Variants in CACYBP observed in about 807,000 individuals in gnomAD.
CACYBP encodes the protein calcyclin-binding protein.
Under a neutral mutation model 29.6 loss-of-function variants are expected in CACYBP, and 11 were observed. The observed-to-expected ratio is 0.37, with a 90% CI of 0.23 to 0.61. The LOEUF (loss-of-function observed/expected upper bound fraction) is 0.61. Among genes scored for constraint, CACYBP ranks in the 20% least tolerant of loss-of-function variants. The pLI is 0.65. For missense variants in CACYBP, 163 were observed against 260.7 expected, an observed-to-expected ratio of 0.63 and a Z score of 2.58; for synonymous variants, 73 against 88.3, an observed-to-expected ratio of 0.83 and a Z score of 0.97.
intron 1 of CACYBP, among the ~76,000 whole-genome samples, chr1:175,002,527 TTA>T (rs1213289362): frequency 6.6e-6 from 1 of 152,206 alleles, no homozygotes; most frequent in African/African-American, 2.4e-5. Flanking sequence ...CTTGAATGCC[TTA>T]TGGGTAGGGA....
chr1:175,009,221 C>T (rs368947593), intron 5 of CACYBP, among the ~76,000 whole-genome samples: 5 of 152,162 alleles, frequency 3.3e-5, no homozygotes, highest in African/African-American at 1.2e-4. Flanking sequence ...TTAAAAAATA[C>T]ATGAGCTTCA....
intron 5 of CACYBP, among the ~76,000 whole-genome samples, chr1:175,009,680 T>G (rs1574111808): frequency 1.3e-5 from 2 of 150,176 alleles, no homozygotes; most frequent in Middle Eastern, 6.8e-3. Flanking sequence ...GGGAAATCCC[T>G]GTGCCTAAAA....
At chr1:175,004,310 AC>A (rs1672562035) in intron 1 of CACYBP, among the ~76,000 whole-genome samples, 1 of 152,234 alleles carries the variant, frequency 6.6e-6, no homozygotes, top group African/African-American at 2.4e-5. Flanking sequence ...TCTTTGTTTT[AC>A]TTTTTAGGTC....
At position 175,000,331 on chromosome 1, in the gene CACYBP, C is replaced by T. The variant is rs1022646295; in HGVS notation, c.15+136C>T. On this transcript the variant is annotated intron_variant, in intron 1 of 5. Transcript: ENST00000367679. ...CGCGCCAGTCAGTGCGCCGCCTTCC[C>T]GGGGGACACCTCACTCGCCCCTTGC... is the stretch of plus-strand genomic sequence containing the variant. The T allele has an allele frequency of 4.8e-6, 7 of 1,463,216 alleles. No individual in the cohort carries two copies. The African/African-American group carries it at 5.9e-5, about 12-fold the overall frequency. 90.6% of individuals were successfully genotyped at this position (1,463,216 alleles called of 1,614,324 possible).
At chr1:175,002,134 G>GTA (rs1367718314) in intron 1 of CACYBP, among the ~76,000 whole-genome samples, 1 of 152,156 alleles carries the variant, frequency 6.6e-6, no homozygotes, top group African/African-American at 2.4e-5. Flanking sequence ...GTTCTCTGGG[G>GTA]TATATACCTA....
Position 175,000,646 on chromosome 1 carries a change from C to T in CACYBP, c.15+451C>T, listed in dbSNP as rs1173186740. 7.9e-6 allele frequency: 8 copies of T among 1,016,872 alleles called. No individual in the cohort carries two copies. In the African/African-American group the frequency reaches 1.4e-4, roughly 18 times the overall value. The allele number at this position is 1,016,872 out of a possible 1,614,324, so 63.0% of individuals were successfully genotyped here. On this transcript the variant is annotated intron_variant, in intron 1 of 5. Coordinates refer to ENST00000367679, the MANE Select transcript of CACYBP (RefSeq NM_014412.3). ...TTGAATTCTCCTAGTCAGGTTTTCT[C>T]TACACACGAGGAGCTGTGTTACTCT...
At position 175,011,561 on chromosome 1, in the gene CACYBP, G is replaced by A. The variant is rs1336869289; in HGVS notation, c.*1482G>A. 1.1e-4 allele frequency: 16 copies of A among 152,212 alleles called. No individual in the cohort carries two copies. Among genetic ancestry groups the A allele is most frequent in the Non-Finnish European group, 2.1e-4 (14 of 67,980 alleles). The allele number at this position is 152,212 out of a possible 1,614,324, so 9.4% of individuals were successfully genotyped here. Reference sequence around the variant, plus strand: ...CTACATAAAAATGTTTATAGGACAAGAAAAACCCCACCATAACCCAAGGCA... The same window carrying A: ...CTACATAAAAATGTTTATAGGACAAAAAAAACCCCACCATAACCCAAGGCA... On this transcript the variant is annotated 3_prime_UTR_variant, in exon 6 of 6. Coordinates refer to ENST00000367679, the MANE Select transcript of CACYBP (RefSeq NM_014412.3).
rs1352809378 is a variant in CACYBP at position 175,011,615 on chromosome 1, TAAG to T, written c.*1539_*1541del. ...AATGTATTGACAGGATTCCAATAAT[TAAG>T]AATACTTCATACAAAAAGAAATGTA... is the stretch of plus-strand genomic sequence containing the variant. On this transcript the variant is annotated 3_prime_UTR_variant, in exon 6 of 6. Transcript: ENST00000367679. 6.6e-6 allele frequency: 1 copy of T among 152,170 alleles called. No individual in the cohort carries two copies. The highest frequency in any genetic ancestry group is 1.5e-5 in the Non-Finnish European group (1 of 68,018). The allele number at this position is 152,170 out of a possible 1,614,324, so 9.4% of individuals were successfully genotyped here.
intron 1 of CACYBP, among the ~76,000 whole-genome samples, chr1:175,002,163 C>T (rs1444792769): frequency 6.6e-6 from 1 of 152,158 alleles, no homozygotes; most frequent in Non-Finnish European, 1.5e-5. Context: ...ATTACTGGTT[C>T]ATATGGTAAC....
intron 5 of CACYBP, among the ~76,000 whole-genome samples, chr1:175,009,112 C>G (rs192622231): frequency 1.3e-5 from 2 of 152,104 alleles, no homozygotes; most frequent in Admixed American, 1.3e-4. Context: ...ATGATACTTG[C>G]GTTCTAGGTC....
intron 1 of CACYBP, among the ~76,000 whole-genome samples, chr1:175,001,931 G>A (rs1248214149): frequency 6.6e-6 from 1 of 152,098 alleles, no homozygotes; most frequent in Non-Finnish European, 1.5e-5. Context: ...TAGTAGCGAC[G>A]GGGTTTCACC....
chr1:175,003,141 C>A (rs1454803546), intron 1 of CACYBP, among the ~76,000 whole-genome samples: 6 of 149,926 alleles, frequency 4.0e-5, no homozygotes, highest in Admixed American at 2.6e-4. Context: ...TTTGGGAGAC[C>A]GAGTTTTGCT....
Position 175,011,993 on chromosome 1 carries a change from A to G in CACYBP, c.*1914A>G. ...GTGGCAGATGCCTGTAACTCCAGCTACTCGGGAGACTGAAGGACAAGAATC... is the reference window on the plus strand; with the variant it reads ...GTGGCAGATGCCTGTAACTCCAGCTGCTCGGGAGACTGAAGGACAAGAATC... On this transcript the variant is annotated 3_prime_UTR_variant, in exon 6 of 6. Transcript: ENST00000367679. Among the ~76,000 whole-genome samples the G allele has an allele frequency of 6.6e-6, 1 of 152,130 alleles. No homozygotes were observed. The highest frequency in any genetic ancestry group is 1.9e-4 in the East Asian group (1 of 5,184).
Position 175,004,608 on chromosome 1 carries a change from A to T in CACYBP, c.16-6A>T. ...CATAGCTAACTTATTTTTTGTCTTA[A>T]CACAGCTACAGAAAGATCTAGAAGA... On this transcript the variant is annotated splice_polypyrimidine_tract_variant and splice_region_variant and intron_variant, in intron 1 of 5. Coordinates refer to ENST00000367679, the MANE Select transcript of CACYBP (RefSeq NM_014412.3). 6.4e-7 allele frequency: 1 copy of T among 1,563,258 alleles called. No individual in the cohort carries two copies. The highest frequency in any genetic ancestry group is 8.7e-7 in the Non-Finnish European group (1 of 1,155,796).
intron 1 of CACYBP, among the ~76,000 whole-genome samples, chr1:175,004,289 CA>C (rs35619535): frequency 1.3e-3 from 202 of 151,722 alleles, no homozygotes; most frequent in Admixed American, 3.6e-3. Context: ...AATCCTTTGT[CA>C]AAAAAAAGTT....
chr1:175,008,595 T>C lies in CACYBP; in HGVS notation c.433-14T>C. On this transcript the variant is annotated splice_polypyrimidine_tract_variant and intron_variant, in intron 4 of 5. Transcript: ENST00000367679. ...GTCTTCTAAGCTGTATTTGTTTTCC[T>C]GCTTTTCTTCCAGGTCAAGACTGAT... The C allele has an allele frequency of 1.6e-6, 2 of 1,238,234 alleles. No homozygotes were observed. Among genetic ancestry groups the C allele is most frequent in the South Asian group, 2.5e-5 (2 of 81,072 alleles). 76.7% of individuals were successfully genotyped at this position (1,238,234 alleles called of 1,614,324 possible).
In CACYBP at chr1:175,004,684, T is replaced by C; in HGVS notation, c.86T>C (p.Leu29Pro). 1 of 1,613,940 alleles carries C rather than the reference T, an allele frequency of 6.2e-7. No homozygotes were observed. Among genetic ancestry groups the C allele is most frequent in the Non-Finnish European group, 8.5e-7 (1 of 1,179,830 alleles). ...ACTAGGAAAAGAGTACGTGATGCCC[T>C]TACAGCTGAAAAATCCAAGATTGAG... ...KATRKRVRDALTAEKSKIETE... is the reference protein window; with the variant it reads ...KATRKRVRDAPTAEKSKIETE... Residue 29 changes from leucine to proline, a missense_variant, in exon 2 of 6, where the codon CTT becomes CCT. By Grantham distance (98) the Leu-to-Pro change is moderately conservative. Coordinates refer to ENST00000367679, the MANE Select transcript of CACYBP (RefSeq NM_014412.3).
rs1157689173 is a variant in CACYBP at position 175,011,279 on chromosome 1, GTAAT to G, written c.*1202_*1205del. ...AAATACTGAAACACATTATGCCTCTGTAATTGGGGTTGACACATGAACAGAATAG... is the reference window on the plus strand; with the variant it reads ...AAATACTGAAACACATTATGCCTCTGTGGGGTTGACACATGAACAGAATAG... On this transcript the variant is annotated 3_prime_UTR_variant, in exon 6 of 6. Coordinates refer to ENST00000367679, the MANE Select transcript of CACYBP (RefSeq NM_014412.3). 2.6e-5 allele frequency: 4 copies of G among 152,114 alleles called. No homozygotes were observed. The highest frequency in any genetic ancestry group is 7.2e-5 in the African/African-American group (3 of 41,408). 9.4% of individuals were successfully genotyped at this position (152,114 alleles called of 1,614,324 possible). A position where few individuals can be genotyped will look rare whatever the true frequency, so the allele number is the denominator to read the frequency against.
At chr1:175,007,711 A>G (rs549231328) in intron 4 of CACYBP, among the ~76,000 whole-genome samples, 1 of 152,340 alleles carries the variant, frequency 6.6e-6, no homozygotes, top group East Asian at 1.9e-4. Flanking sequence ...CATTATGTAA[A>G]GTGCTTAAAT....
Sources: allele counts gnomAD v4.1 joint callset (sites outside exome capture counted in the v4.1 genomes callset), GRCh38; gene constraint gnomAD v4.1.1; transcripts MANE v1.5; gene names NCBI Gene and HGNC (gene_info 2026-07-23, HGNC 2026-07-21).